The following NOL3 variants were observed in gnomAD, a reference collection of about 807,000 sequenced individuals.
NOL3 encodes nucleolar protein 3, also known as muscle-enriched cytoplasmic protein.
In NOL3, 18 loss-of-function variants were observed where a neutral mutation model predicts 19.2. That is an observed-to-expected ratio of 0.94 (90% confidence interval 0.65 to 1.39). The LOEUF is 1.39. Ranked by LOEUF, NOL3 falls within the 40% of genes most tolerant of loss-of-function variation. NOL3 has a pLI of 0.00. For synonymous variants in NOL3, 127 were observed against 137.3 expected, an observed-to-expected ratio of 0.93 and a Z score of 0.52; for missense variants, 290 against 289.5, an observed-to-expected ratio of 1.00 and a Z score of -0.01.
At chr16:67,175,298 A>G in exon 4 of NOL3, 1 of 1,420,238 alleles carries the variant, frequency 7.0e-7, no homozygotes, top group Non-Finnish European at 9.2e-7. Context: ...AGCATCATCC[A>G]GTCCTCAGCC....
In NOL3 at chr16:67,174,986, C is replaced by A. The variant is rs780315519; in HGVS notation, c.619+42C>A. The A allele has an allele frequency of 1.5e-5, 24 of 1,609,956 alleles. No individual in the cohort carries two copies. The South Asian group carries it at 2.6e-4, about 18-fold the overall frequency. ...ACCCTGAGCCGGCTTGGCGGGAGGGCATGGCCTGGGAAGCGGATGCCGGAC... is the reference window on the plus strand; with the variant it reads ...ACCCTGAGCCGGCTTGGCGGGAGGGAATGGCCTGGGAAGCGGATGCCGGAC... On this transcript the variant is annotated intron_variant, in intron 3 of 3. Coordinates refer to ENST00000268605, the Ensembl canonical transcript of NOL3.
intron 1 of NOL3, chr16:67,172,863 G>A (rs1597251298): frequency 6.6e-6 from 1 of 150,958 alleles, no homozygotes; most frequent in African/African-American, 2.4e-5. Context: ...GGAGGCCAAG[G>A]CAGGTGGATC....
At chr16:67,174,366 A>G in exon 2 of NOL3, 1 of 1,575,490 alleles carries the variant, frequency 6.3e-7, no homozygotes, top group South Asian at 1.1e-5. Context: ...CTGCTGGTGC[A>G]GGGCAAGGGC....
At chr16:67,172,496 A>C (rs1204950451) in intron 1 of NOL3, among the ~76,000 whole-genome samples, 1 of 151,390 alleles carries the variant, frequency 6.6e-6, no homozygotes, top group Non-Finnish European at 1.5e-5. Context: ...CTGTAATCTC[A>C]GCTACTCGGG....
At chr16:67,174,527 G>A (rs1200830320) in intron 2 of NOL3, 63 bp downstream of exon 2, 5 of 1,471,182 alleles carry the variant, frequency 3.4e-6, no homozygotes, top group South Asian at 2.8e-5. Flanking sequence ...CAAAAGGCCC[G>A]GGGAGGGCAG....
At chr16:67,171,244 T>A (rs1276662427) in intron 1 of NOL3, 1 of 152,232 alleles carries the variant, frequency 6.6e-6, no homozygotes, top group Non-Finnish European at 1.5e-5. Context: ...GTGTACACAG[T>A]GCAATGATGT....
rs1379907858 is a variant in NOL3, at chr16:67,174,738, G to T, written c.413G>T (p.Gly138Val). 6.2e-7 allele frequency: 1 copy of T among 1,610,394 alleles called. No individual in the cohort carries two copies. The highest frequency in any genetic ancestry group is 1.3e-5 in the African/African-American group (1 of 74,880). The change falls in exon 3 of 4, where the codon GGC becomes GTC. Residue 138 changes from glycine (G) to valine (V), a missense_variant. Coordinates refer to ENST00000268605, the Ensembl canonical transcript of NOL3. ...GCTTCAGACCCTGACGAGGCCGGGGGCCCTGAGGGCTCCGAGGCGGTGCAA... is the reference window on the plus strand; with the variant it reads ...GCTTCAGACCCTGACGAGGCCGGGGTCCCTGAGGGCTCCGAGGCGGTGCAA...
At chr16:67,172,240 TTTGCCTCCTAATGCCGGGGGTC>T (rs1485078854) in intron 1 of NOL3, among the ~76,000 whole-genome samples, 1 of 152,080 alleles carries the variant, frequency 6.6e-6, no homozygotes, top group East Asian at 1.9e-4. Context: ...GCCTGATGTC[TTTGCCTCCTAATGCCGGGGGTC>T]TTGCTGGCTG....
chr16:67,175,378 C>T, exon 4 of NOL3: 4 of 1,238,532 alleles, frequency 3.2e-6, no homozygotes, highest in Non-Finnish European at 4.1e-6. Context: ...GGGACAAGGA[C>T]CTGACCCTCC....
chr16:67,172,948 A>T (rs1234998872), intron 1 of NOL3: 1 of 150,678 alleles, frequency 6.6e-6, no homozygotes, highest in Non-Finnish European at 1.5e-5. Flanking sequence ...TAAATACAAA[A>T]AATATATATA....
At chr16:67,174,188 C>T in exon 2 of NOL3, 3 of 1,610,502 alleles carry the variant, frequency 1.9e-6, no homozygotes, top group Non-Finnish European at 2.5e-6. Context: ...CGCGCAGGAG[C>T]GGCCGTCAGA....
exon 2 of NOL3, chr16:67,174,463 G>T (rs1014701526): frequency 2.0e-6 from 3 of 1,485,908 alleles, no homozygotes; most frequent in Non-Finnish European, 2.7e-6. Flanking sequence ...ACGTGGGTCC[G>T]GGTGAGCGCG....
exon 2 of NOL3, chr16:67,174,452 C>A (rs2032001437): frequency 1.3e-6 from 2 of 1,500,050 alleles, no homozygotes. Flanking sequence ...GGACTGGCAG[C>A]ACGTGGGTCC....
chr16:67,175,381 G>T, exon 4 of NOL3: 1 of 1,239,330 alleles, frequency 8.1e-7, no homozygotes, highest in Non-Finnish European at 1.0e-6. Flanking sequence ...ACAAGGACCT[G>T]ACCCTCCTGC....
intron 1 of NOL3, chr16:67,173,659 G>C (rs781151259): frequency 1.2e-5 from 7 of 588,354 alleles, no homozygotes; most frequent in Non-Finnish European, 2.1e-5. Flanking sequence ...AGGATGGTGA[G>C]AGAAATATTC....
intron 1 of NOL3, among the ~76,000 whole-genome samples, chr16:67,172,304 C>A (rs1158655554): frequency 6.6e-6 from 1 of 152,144 alleles, no homozygotes; most frequent in Non-Finnish European, 1.5e-5. Context: ...GGGCCATAAT[C>A]CTTGGTTGAC....
intron 1 of NOL3, chr16:67,172,681 C>G (rs1475142535): frequency 6.6e-6 from 1 of 150,976 alleles, no homozygotes. Context: ...GATAGTCTCT[C>G]AAGAGCCAGG....
chr16:67,175,366 G>A (rs2032118954), exon 4 of NOL3: 1 of 1,274,474 alleles, frequency 7.8e-7, no homozygotes, highest in African/African-American at 1.5e-5. Context: ...TAGCCCCCTA[G>A]TGGGACAAGG....
rs74671574 is a variant in NOL3 at position 67,173,173 on chromosome 16, C to T, written c.-8-989C>T. Among the ~76,000 whole-genome samples the T allele has an allele frequency of 9.3e-4, 141 of 151,782 alleles. 1 individual carries two copies. The highest frequency in any genetic ancestry group is 2.4e-3 in the African/African-American group (100 of 41,358). ...CAGTCCAAGTTCGGCAAGTATTTGT[C>T]GGTATCCTGTATGAGCTAGGCCTTG... is the stretch of plus-strand genomic sequence containing the variant. On this transcript the variant is annotated intron_variant, in intron 1 of 3. Transcript: ENST00000268605.
Sources: gnomAD v4.1 joint callset for allele counts (sites outside exome capture counted in the v4.1 genomes callset) on GRCh38, gnomAD v4.1.1 for gene constraint, MANE v1.5 for transcripts, NCBI Gene and HGNC (gene_info 2026-07-23, HGNC 2026-07-21) for gene names.